The following MARK1 variants were observed in gnomAD, a reference collection of about 807,000 sequenced individuals.
MARK1 encodes serine/threonine-protein kinase MARK1.
A neutral mutation model predicts 96.3 loss-of-function variants in MARK1; 40 were observed. The observed-to-expected ratio is 0.42, with a 90% CI of 0.32 to 0.54. The LOEUF is 0.54. Among genes scored for constraint, MARK1 ranks in the 20% least tolerant of loss-of-function variants. MARK1 has a pLI of 0.16. For synonymous variants in MARK1, 317 were observed against 341.2 expected (o/e 0.93, Z 0.78); for missense variants, 719 against 984.6 (o/e 0.73, Z 3.61).
chr1:220,623,057 G>T (rs937959012), intron 9 of MARK1, among the ~76,000 whole-genome samples: 4 of 151,930 alleles, frequency 2.6e-5, no homozygotes, highest in Non-Finnish European at 5.9e-5. Flanking sequence ...GTTAATTTTG[G>T]AATTGTTTTT....
Position 220,657,842 on chromosome 1 carries a change from G to C in MARK1, c.2033+8G>C, listed in dbSNP as rs1376211201. 6.4e-6 allele frequency: 10 copies of C among 1,560,568 alleles called. No homozygotes were observed. The highest frequency in any genetic ancestry group is 2.0e-5 in the Admixed American group (1 of 50,388). ...CAGAACCGACACCTCAAGGTGAGGA[G>C]CCACTATTAATACTTCGCTGCTAGG... On this transcript the variant is annotated splice_region_variant and intron_variant, in intron 17 of 17. Coordinates refer to ENST00000366917, the MANE Select transcript of MARK1 (RefSeq NM_018650.5).
At chr1:220,548,467 C>T (rs766341714) in intron 1 of MARK1, among the ~76,000 whole-genome samples, 8 of 152,136 alleles carry the variant, frequency 5.3e-5, no homozygotes, top group African/African-American at 1.2e-4. Context: ...GGGTTGGGCA[C>T]GGTGGCTCAC....
chr1:220,591,350 TCTA>T lies in MARK1; in HGVS notation c.310-6980_310-6978del, dbSNP rs763803140. On this transcript the variant is annotated intron_variant, in intron 3 of 17. Coordinates refer to ENST00000366917, the MANE Select transcript of MARK1 (RefSeq NM_018650.5). ...AGTTTTGAGATATGTCCCAGCCGAT[TCTA>T]AGAGAAAACTACCAAATTTGCCAGT... Among the ~76,000 whole-genome samples, 44 of 152,330 alleles carry T rather than the reference TCTA, an allele frequency of 2.9e-4. No individual in the cohort carries two copies. In the Middle Eastern group the frequency reaches 0.014, roughly 47 times the overall value.
chr1:220,602,453 A>G (rs1311500129), intron 5 of MARK1, among the ~76,000 whole-genome samples: 1 of 152,168 alleles, frequency 6.6e-6, no homozygotes, highest in Non-Finnish European at 1.5e-5. Flanking sequence ...GGGGAAGTAA[A>G]TCATACACAA....
At chr1:220,580,757 T>C (rs1183756644) in intron 2 of MARK1, among the ~76,000 whole-genome samples, 2 of 152,204 alleles carry the variant, frequency 1.3e-5, no homozygotes, top group East Asian at 3.8e-4. Flanking sequence ...CCCCCTATAA[T>C]TGTTGCTTAT....
chr1:220,573,789 T>G (rs1663642248), intron 1 of MARK1, among the ~76,000 whole-genome samples: 1 of 145,136 alleles, frequency 6.9e-6, no homozygotes, highest in Admixed American at 7.2e-5. Flanking sequence ...TATTGTATAT[T>G]GTAGTATATG....
chr1:220,586,016 C>CGCGCGT (rs1242048161), intron 3 of MARK1, among the ~76,000 whole-genome samples: 2 of 151,574 alleles, frequency 1.3e-5, no homozygotes, highest in African/African-American at 4.9e-5. Context: ...CACACACGCG[C>CGCGCGT]GCGTGCGCAG....
chr1:220,564,048 G>T (rs1662874967), intron 1 of MARK1, among the ~76,000 whole-genome samples: 1 of 152,124 alleles, frequency 6.6e-6, no homozygotes, highest in African/African-American at 2.4e-5. Context: ...GGTTAAAATG[G>T]ATTACATGCT....
At chr1:220,643,621 A>G (rs1269451809) in intron 13 of MARK1, among the ~76,000 whole-genome samples, 1 of 152,168 alleles carries the variant, frequency 6.6e-6, no homozygotes, top group Non-Finnish European at 1.5e-5. Flanking sequence ...ACACATAATC[A>G]TCAGATTCTC....
rs188462030 is a variant in MARK1, at chr1:220,537,154, T to C, written c.51+8281T>C. ...GCACAATGTGCAGGTTGGTTACATA[T>C]GTATACATGTGCCATGCTGGTGTGC... On this transcript the variant is annotated intron_variant, in intron 1 of 17. Transcript: ENST00000366917. 2.2e-3 allele frequency among the ~76,000 whole-genome samples: 338 copies of C among 151,114 alleles called. 4 individuals are homozygous for C. Among genetic ancestry groups the C allele is most frequent in the South Asian group, 0.018 (85 of 4,732 alleles).
chr1:220,575,132 G>T (rs1425614988), intron 1 of MARK1, among the ~76,000 whole-genome samples: 1 of 152,162 alleles, frequency 6.6e-6, no homozygotes, highest in Admixed American at 6.5e-5. Context: ...TGCTCCATGG[G>T]ATGCAGCACT....
intron 1 of MARK1, among the ~76,000 whole-genome samples, chr1:220,573,250 T>C (rs1663595180): frequency 6.6e-6 from 1 of 152,166 alleles, no homozygotes; most frequent in South Asian, 2.1e-4. Context: ...TTTTATTCCT[T>C]CTCTGGGCCC....
intron 3 of MARK1, among the ~76,000 whole-genome samples, chr1:220,596,148 A>G (rs1285466559): frequency 6.6e-6 from 1 of 152,206 alleles, no homozygotes; most frequent in Non-Finnish European, 1.5e-5. Flanking sequence ...AAGCCATGAT[A>G]AATCATTAGG....
intron 1 of MARK1, among the ~76,000 whole-genome samples, chr1:220,573,141 T>C (rs1486424231): frequency 6.6e-6 from 1 of 152,050 alleles, no homozygotes; most frequent in East Asian, 1.9e-4. Context: ...TGTTTGTTTG[T>C]TTGTTTGTTT....
At chr1:220,564,322 A>G (rs896649682) in intron 1 of MARK1, among the ~76,000 whole-genome samples, 2 of 152,150 alleles carry the variant, frequency 1.3e-5, no homozygotes, top group East Asian at 3.8e-4. Context: ...GTAGGGCTGT[A>G]TGTATTTGGA....
rs1331070077 is a variant in MARK1, at chr1:220,626,987, C to T, written c.910-4048C>T. The T allele has an allele frequency of 5.7e-6, 3 of 524,046 alleles. No homozygotes were observed. In the Admixed American group the frequency reaches 6.3e-5, roughly 11 times the overall value. The allele number at this position is 524,046 out of a possible 1,614,324, so 32.5% of individuals were successfully genotyped here. The stretch of plus-strand genomic sequence containing the variant: ...CCTGGATACAGAGATCCCTAATGAG[C>T]TTCCATACAGCGACTACTTGGAATA... On this transcript the variant is annotated intron_variant, in intron 9 of 17. Transcript: ENST00000366917.
intron 1 of MARK1, among the ~76,000 whole-genome samples, chr1:220,543,672 G>A (rs374560237): frequency 6.6e-5 from 10 of 152,096 alleles, no homozygotes; most frequent in East Asian, 3.9e-4. Flanking sequence ...TTATTACCTA[G>A]CATAGTGTTT....
At chr1:220,651,898 A>G in intron 14 of MARK1, 88 bp from the exon 15 acceptor site, 1 of 1,100,390 alleles carries the variant, frequency 9.1e-7, no homozygotes, top group East Asian at 2.5e-5. Context: ...GTCAGTTTAG[A>G]TTTTTTAAAA....
At position 220,588,277 on chromosome 1, in the gene MARK1, C is replaced by G. The variant is rs76512436; in HGVS notation, c.309+7159C>G. ...GCTGTGCAGGATCTTAGGAGAGATT[C>G]AAGTAATGTGAAATTGGTACTAGTT... is the stretch of plus-strand genomic sequence containing the variant. On this transcript the variant is annotated intron_variant, in intron 3 of 17. Transcript: ENST00000366917. Among the ~76,000 whole-genome samples, 1,153 of 152,168 alleles carry G rather than the reference C, an allele frequency of 7.6e-3. 11 individuals carry two copies. The highest frequency in any genetic ancestry group is 0.013 in the Non-Finnish European group (856 of 67,996).
Sources: gnomAD v4.1 joint callset for allele counts (sites outside exome capture counted in the v4.1 genomes callset) on GRCh38, gnomAD v4.1.1 for gene constraint, MANE v1.5 for transcripts, NCBI Gene and HGNC (gene_info 2026-07-23, HGNC 2026-07-21) for gene names.